The following MCPH1 variants were observed in gnomAD, a reference collection of about 807,000 sequenced individuals.
MCPH1 encodes microcephalin 1, also known as microcephalin.
A neutral mutation model predicts 84.5 loss-of-function variants in MCPH1; 104 were observed. That is an observed-to-expected ratio of 1.23 (90% CI 1.05 to 1.45). MCPH1 has a LOEUF of 1.45. Ranked by LOEUF, MCPH1 falls within the 40% of genes most tolerant of loss-of-function variation. The pLI is 0.00. For missense variants in MCPH1, 1,498 were observed against 1,005.7 expected (o/e 1.49, Z -6.62); for synonymous variants, 514 against 366.8 (o/e 1.40, Z -4.58).
At chr8:6,628,045 T>C (rs1796875026) in intron 13 of MCPH1, among the ~76,000 whole-genome samples, 1 of 152,270 alleles carries the variant, frequency 6.6e-6, no homozygotes, top group South Asian at 2.1e-4. Flanking sequence ...CTTCATTGCA[T>C]TTATTGGTCA....
intron 12 of MCPH1, among the ~76,000 whole-genome samples, chr8:6,510,590 C>T (rs547495524): frequency 6.6e-6 from 1 of 152,218 alleles, no homozygotes; most frequent in Non-Finnish European, 1.5e-5. Context: ...TGGCCGCCAT[C>T]TTTGTTTTGG....
chr8:6,474,967 A>G (rs530336205), intron 9 of MCPH1, among the ~76,000 whole-genome samples: 1 of 152,274 alleles, frequency 6.6e-6, no homozygotes, highest in African/African-American at 2.4e-5. Context: ...TTCTTAAAAC[A>G]TTTACGTTTC....
intron 11 of MCPH1, among the ~76,000 whole-genome samples, chr8:6,485,897 G>A (rs551292052): frequency 2.6e-5 from 4 of 152,156 alleles, no homozygotes; most frequent in Non-Finnish European, 5.9e-5. Context: ...CACAACAGGA[G>A]TATTGATGTT....
intron 12 of MCPH1, among the ~76,000 whole-genome samples, chr8:6,613,723 C>T (rs529517707): frequency 3.3e-5 from 5 of 152,006 alleles, no homozygotes; most frequent in African/African-American, 1.2e-4. Flanking sequence ...TCATCAGGGC[C>T]GAGAGGAATG....
rs114338275 is a variant in MCPH1 at position 6,508,820 on chromosome 8, T to C, written c.2214+8891T>C. The C allele has an allele frequency of 1.2e-3, 1,763 of 1,458,612 alleles. 15 individuals carry two copies. In the African/African-American group the frequency reaches 0.023, roughly 19 times the overall value. 90.4% of individuals were successfully genotyped at this position (1,458,612 alleles called of 1,614,324 possible). A position where few individuals can be genotyped will look rare whatever the true frequency, so the allele number is the denominator to read the frequency against. On this transcript the variant is annotated intron_variant, in intron 12 of 13. Coordinates refer to ENST00000344683, the MANE Select transcript of MCPH1 (RefSeq NM_024596.5). The stretch of plus-strand genomic sequence containing the variant: ...TATATCAAGCTAGTGTGTCTACGTA[T>C]GAAATTGTGGACATCGTTACAAATC...
chr8:6,492,699 T>A (rs1029138745), intron 11 of MCPH1, among the ~76,000 whole-genome samples: 25 of 147,014 alleles, frequency 1.7e-4, no homozygotes, highest in Admixed American at 8.9e-4. Context: ...TAAAATTTTT[T>A]TAAAAATAAA....
chr8:6,416,152 T>G (rs1489893018), intron 3 of MCPH1, among the ~76,000 whole-genome samples: 2 of 152,374 alleles, frequency 1.3e-5, no homozygotes, highest in Non-Finnish European at 2.9e-5. Flanking sequence ...CCTGCAAATT[T>G]GCTTAACTTG....
chr8:6,447,653 C>T (rs1804596308), intron 8 of MCPH1, among the ~76,000 whole-genome samples: 1 of 152,086 alleles, frequency 6.6e-6, no homozygotes, highest in African/African-American at 2.4e-5. Flanking sequence ...CGAGTTCAAG[C>T]AAGTCTCTGC....
intron 13 of MCPH1, among the ~76,000 whole-genome samples, chr8:6,623,186 G>T (rs1413576732): frequency 6.6e-6 from 1 of 151,664 alleles, no homozygotes; most frequent in Non-Finnish European, 1.5e-5. Context: ...CTTTTTCAAG[G>T]CCCCATCTCC....
intron 9 of MCPH1, among the ~76,000 whole-genome samples, chr8:6,465,924 G>GATCCATCC (rs202202756): frequency 0.2 from 29,723 of 148,126 alleles, 3,349 homozygotes; most frequent in African/African-American, 0.24. Context: ...TTTATCTATC[G>GATCCATCC]ATCCATCCAT....
At chr8:6,572,447 T>C (rs1826738025) in intron 12 of MCPH1, among the ~76,000 whole-genome samples, 1 of 152,186 alleles carries the variant, frequency 6.6e-6, no homozygotes, top group African/African-American at 2.4e-5. Flanking sequence ...AATCTATCCA[T>C]GATTGTTATT....
At chr8:6,473,766 T>C in intron 9 of MCPH1, 1 of 813,930 alleles carries the variant, frequency 1.2e-6, no homozygotes, top group East Asian at 2.7e-5. Context: ...AAAGCGTTCC[T>C]GATACTTAAA....
intron 12 of MCPH1, among the ~76,000 whole-genome samples, chr8:6,533,305 G>A (rs1057426946): frequency 3.9e-5 from 6 of 152,186 alleles, no homozygotes; most frequent in African/African-American, 1.2e-4. Context: ...AGCTATCCCT[G>A]TCTATGGCAG....
At chr8:6,523,768 T>A (rs2515451) in intron 12 of MCPH1, among the ~76,000 whole-genome samples, 11,415 of 152,218 alleles carry the variant, frequency 0.075, 515 homozygotes, top group African/African-American at 0.12. Context: ...TTTGTATTTT[T>A]AGTAGAGACG....
chr8:6,548,607 T>A (rs757403700), intron 12 of MCPH1, among the ~76,000 whole-genome samples: 3 of 152,160 alleles, frequency 2.0e-5, no homozygotes, highest in Non-Finnish European at 4.4e-5. Context: ...GTACACCTGA[T>A]GGATTTTTGT....
intron 12 of MCPH1, among the ~76,000 whole-genome samples, chr8:6,540,649 A>G (rs2922874): frequency 0.18 from 27,219 of 152,266 alleles, 2,628 homozygotes; most frequent in African/African-American, 0.24. Flanking sequence ...AGCAGCTTAC[A>G]ATGACAAAAT....
intron 12 of MCPH1, among the ~76,000 whole-genome samples, chr8:6,572,593 C>T (rs187298445): frequency 2.0e-5 from 3 of 152,336 alleles, no homozygotes; most frequent in African/African-American, 4.8e-5. Context: ...CCGACGTGCA[C>T]ACACACAGTG....
chr8:6,465,726 A>T (rs1806812477), intron 9 of MCPH1, among the ~76,000 whole-genome samples: 1 of 152,146 alleles, frequency 6.6e-6, no homozygotes, highest in South Asian at 2.1e-4. Context: ...CTGACATCAG[A>T]GACTCATGTT....
intron 12 of MCPH1, chr8:6,500,215 G>A (rs986933269): frequency 4.4e-5 from 18 of 411,526 alleles, no homozygotes; most frequent in African/African-American, 3.4e-4. Context: ...CTGAATTCTT[G>A]GGCAGGTAGT....
Sources: gnomAD v4.1 joint callset for allele counts (sites outside exome capture counted in the v4.1 genomes callset) on GRCh38, gnomAD v4.1.1 for gene constraint, MANE v1.5 for transcripts, NCBI Gene and HGNC (gene_info 2026-07-23, HGNC 2026-07-21) for gene names.